PPARG: variants seen among roughly 807,000 people sequenced by gnomAD.
PPARG encodes the protein peroxisome proliferator-activated receptor gamma.
PPARG carries 17 observed loss-of-function variants against 39.2 expected under a neutral mutation model. The ratio of observed to expected loss-of-function variants is 0.43; its 90% CI spans 0.30 to 0.65. PPARG has a LOEUF of 0.65. Among genes scored for constraint, PPARG ranks in the 30% least tolerant of loss-of-function variants. PPARG has a pLI of 0.13. For missense variants in PPARG, 406 were observed against 585.9 expected, an observed-to-expected ratio of 0.69 and a Z score of 3.17; for synonymous variants, 223 against 215.7, an observed-to-expected ratio of 1.03 and a Z score of -0.30.
chr3:12,351,709 T>TG lies in PPARG; in HGVS notation c.-8-27990dup. On this transcript the variant is annotated intron_variant, in intron 2 of 7. Coordinates refer to ENST00000651735, the MANE Select transcript of PPARG (RefSeq NM_138711.6). Reference sequence around the variant, plus strand: ...CTTCCAGATACGGCTATTGGGGACGTGGGGGCATTTATGTAAGGGTAAAAT... The same window carrying TG: ...CTTCCAGATACGGCTATTGGGGACGTGGGGGGCATTTATGTAAGGGTAAAAT... The TG allele has an allele frequency of 2.0e-6, 3 of 1,522,264 alleles. No homozygotes were observed. In the South Asian group the frequency reaches 3.4e-5, roughly 17 times the overall value. The allele number at this position is 1,522,264 out of a possible 1,614,324, so 94.3% of individuals were successfully genotyped here. A position where few individuals can be genotyped will look rare whatever the true frequency, so the allele number is the denominator to read the frequency against.
chr3:12,318,526 T>C (rs2047449488), intron 2 of PPARG, among the ~76,000 whole-genome samples: 1 of 152,224 alleles, frequency 6.6e-6, no homozygotes, highest in Non-Finnish European at 1.5e-5. Context: ...AGAATAAAGA[T>C]ACAATAAGAA....
At position 12,295,142 on chromosome 3, in the gene PPARG, A is replaced by C. The variant is rs577362815; in HGVS notation, c.-83+6008A>C. Among the ~76,000 whole-genome samples the C allele has an allele frequency of 2.0e-5, 3 of 152,272 alleles. No individual in the cohort carries two copies. In the South Asian group the frequency reaches 6.2e-4, roughly 32 times the overall value. Reference sequence around the variant, plus strand: ...GTCTTGCTAAAGTCTGTGAATCTAAAACAGAGAATCTCAAAGTGTTCCTTA... The same window carrying C: ...GTCTTGCTAAAGTCTGTGAATCTAACACAGAGAATCTCAAAGTGTTCCTTA... On this transcript the variant is annotated intron_variant, in intron 1 of 7. Transcript: ENST00000651735.
intron 5 of PPARG, among the ~76,000 whole-genome samples, chr3:12,404,609 A>C (rs2050592103): frequency 1.3e-5 from 2 of 152,086 alleles, no homozygotes; most frequent in Admixed American, 1.3e-4. Flanking sequence ...TTTGAGACCC[A>C]CCTGGACAAC....
chr3:12,420,757 G>C (rs539645427), intron 7 of PPARG, among the ~76,000 whole-genome samples: 24 of 152,310 alleles, frequency 1.6e-4, no homozygotes, highest in Non-Finnish European at 2.9e-4. Flanking sequence ...TAAGATTGCT[G>C]CCATTGAACT....
intron 1 of PPARG, among the ~76,000 whole-genome samples, chr3:12,295,395 A>G (rs766551180): frequency 6.6e-6 from 1 of 152,198 alleles, no homozygotes; most frequent in Non-Finnish European, 1.5e-5. Context: ...GGCATTTGGC[A>G]ATATAGGATT....
chr3:12,306,899 C>T (rs2047081835), intron 1 of PPARG, among the ~76,000 whole-genome samples: 1 of 152,010 alleles, frequency 6.6e-6, no homozygotes, highest in Non-Finnish European at 1.5e-5. Flanking sequence ...GAGATCGAGA[C>T]CATCCTGGCT....
At chr3:12,403,821 G>T (rs997970825) in intron 5 of PPARG, among the ~76,000 whole-genome samples, 1 of 152,038 alleles carries the variant, frequency 6.6e-6, no homozygotes, top group African/African-American at 2.4e-5. Flanking sequence ...TGCTATCTGG[G>T]GTTTTCTTTC....
chr3:12,394,368 T>G (rs1299509069), intron 5 of PPARG, among the ~76,000 whole-genome samples: 1 of 152,216 alleles, frequency 6.6e-6, no homozygotes, highest in Non-Finnish European at 1.5e-5. Context: ...ATTGCATACG[T>G]TTACTTAAAA....
At chr3:12,353,901 T>C (rs2048572202) in intron 2 of PPARG, among the ~76,000 whole-genome samples, 1 of 152,356 alleles carries the variant, frequency 6.6e-6, no homozygotes, top group Admixed American at 6.5e-5. Context: ...CTCCTGCTTT[T>C]AGTGCCAGAC....
At position 12,324,049 on chromosome 3, in the gene PPARG, C is replaced by G. The variant is rs545451410; in HGVS notation, c.-9+11596C>G. ...ATCCCAGCACTTTGAGAGGCTAAAGCGTGTGAATCACCTGAAGTCAGGAGT... is the reference window on the plus strand; with the variant it reads ...ATCCCAGCACTTTGAGAGGCTAAAGGGTGTGAATCACCTGAAGTCAGGAGT... On this transcript the variant is annotated intron_variant, in intron 2 of 7. Transcript: ENST00000651735. Among the ~76,000 whole-genome samples the G allele has an allele frequency of 1.8e-4, 28 of 152,146 alleles. No homozygotes were observed. In the East Asian group the frequency reaches 5.0e-3, roughly 27 times the overall value.
chr3:12,342,289 T>A (rs1305552062), intron 2 of PPARG, among the ~76,000 whole-genome samples: 1 of 152,212 alleles, frequency 6.6e-6, no homozygotes, highest in Non-Finnish European at 1.5e-5. Context: ...ATCTGATAAC[T>A]GGCCTGACCT....
intron 5 of PPARG, 88 bp from the exon 6 acceptor site, chr3:12,405,794 G>A (rs2050638018): frequency 2.2e-6 from 3 of 1,364,024 alleles, no homozygotes; most frequent in East Asian, 4.6e-5. Context: ...GGCTTCTACT[G>A]TGTGGGAACG....
rs190557184 is a variant in PPARG, at chr3:12,315,410, G to C, written c.-9+2957G>C. Reference sequence around the variant, plus strand: ...GTATCAACACTGATAATTGTGCTGGGACTGCACTGTGGTAACTGGGGGGAA... The same window carrying C: ...GTATCAACACTGATAATTGTGCTGGCACTGCACTGTGGTAACTGGGGGGAA... On this transcript the variant is annotated intron_variant, in intron 2 of 7. Transcript: ENST00000651735. Among the ~76,000 whole-genome samples the C allele has an allele frequency of 1.8e-4, 27 of 152,288 alleles. No individual in the cohort carries two copies. The East Asian group carries it at 4.8e-3, about 27-fold the overall frequency.
intron 2 of PPARG, among the ~76,000 whole-genome samples, chr3:12,335,421 TA>T (rs2047983465): frequency 6.6e-6 from 1 of 152,236 alleles, no homozygotes; most frequent in African/African-American, 2.4e-5. Flanking sequence ...CATTTAAAAA[TA>T]TTTTTAATAG....
chr3:12,350,689 TA>T lies in PPARG; in HGVS notation c.-8-29013del, dbSNP rs576557266. 5.9e-5 allele frequency among the ~76,000 whole-genome samples: 9 copies of T among 152,336 alleles called. No individual in the cohort carries two copies. In the East Asian group the frequency reaches 1.7e-3, roughly 29 times the overall value. ...AACTGACCACAATTCCTCGCCAACC[TA>T]ACAGCGTAAGTCTATTTTTTTCTGG... On this transcript the variant is annotated intron_variant, in intron 2 of 7. Transcript: ENST00000651735.
At chr3:12,298,383 A>G (rs1460170351) in intron 1 of PPARG, among the ~76,000 whole-genome samples, 2 of 150,846 alleles carry the variant, frequency 1.3e-5, no homozygotes. Flanking sequence ...GAACATTGTG[A>G]AAGTTATATA....
chr3:12,379,611 C>T, intron 2 of PPARG, 93 bp from the exon 3 acceptor site: 4 of 1,217,196 alleles, frequency 3.3e-6, no homozygotes, highest in Non-Finnish European at 4.8e-6. Context: ...GATTACTTTG[C>T]CAAAGACTCT....
At chr3:12,390,628 ATTTTCTTCCT>A (rs1338059121) in intron 4 of PPARG, among the ~76,000 whole-genome samples, 1 of 97,376 alleles carries the variant, frequency 1.0e-5, no homozygotes, top group Non-Finnish European at 2.0e-5. Flanking sequence ...ATAAAGCTGT[ATTTTCTTCCT>A]TTTTTTTTTT....
intron 2 of PPARG, among the ~76,000 whole-genome samples, chr3:12,353,730 C>A (rs1322352586): frequency 6.6e-6 from 1 of 152,330 alleles, no homozygotes; most frequent in East Asian, 1.9e-4. Context: ...TTTTCCAAGG[C>A]TCCATCATTG....
Sources: gnomAD v4.1 joint callset for allele counts (sites outside exome capture counted in the v4.1 genomes callset) on GRCh38, gnomAD v4.1.1 for gene constraint, MANE v1.5 for transcripts, NCBI Gene and HGNC (gene_info 2026-07-23, HGNC 2026-07-21) for gene names.